Variants in CPNE8 observed in about 807,000 individuals in gnomAD.
The protein encoded by CPNE8 is copine 8, also known as copine-8.
A neutral mutation model predicts 81.5 loss-of-function variants in CPNE8; 45 were observed. The ratio of observed to expected loss-of-function variants is 0.55; its 90% CI spans 0.44 to 0.71. CPNE8 has a LOEUF of 0.71. Among genes scored for constraint, CPNE8 ranks in the 30% least tolerant of loss-of-function variants. The pLI is 0.00. For missense variants in CPNE8, 594 were observed against 672.1 expected, an observed-to-expected ratio of 0.88 and a Z score of 1.28; for synonymous variants, 252 against 226.3, an observed-to-expected ratio of 1.11 and a Z score of -1.02.
upstream of CPNE8, chr12:38,905,961 G>C (rs986527193): frequency 4.1e-6 from 4 of 985,262 alleles, no homozygotes; most frequent in African/African-American, 7.0e-5. Context: ...TTTAGGTTTT[G>C]TCTCCACCTC....
At chr12:38,852,428 CAAAAA>C (rs138401295) in intron 3 of CPNE8, among the ~76,000 whole-genome samples, 2 of 75,210 alleles carry the variant, frequency 2.7e-5, no homozygotes, top group Non-Finnish European at 4.8e-5. Flanking sequence ...AGCTCTGTCT[CAAAAA>C]AAAAAAAAAA....
intron 6 of CPNE8, among the ~76,000 whole-genome samples, chr12:38,813,598 T>C (rs1453731012): frequency 1.3e-5 from 2 of 152,194 alleles, no homozygotes; most frequent in Admixed American, 6.6e-5. Context: ...GACATGAACA[T>C]TGATGGCATA....
intron 11 of CPNE8, 78 bp from the exon 12 acceptor site, chr12:38,724,977 G>A: frequency 8.2e-7 from 1 of 1,222,538 alleles, no homozygotes; most frequent in Non-Finnish European, 1.2e-6. Context: ...AAAATGTGAA[G>A]TTTAACCTGC....
chr12:38,783,320 T>C (rs561675848), intron 6 of CPNE8, among the ~76,000 whole-genome samples: 1 of 152,294 alleles, frequency 6.6e-6, no homozygotes, highest in East Asian at 1.9e-4. Flanking sequence ...GAAAATCAGA[T>C]GAGCACTCAC....
At chr12:38,767,265 A>C (rs192055909) in intron 8 of CPNE8, among the ~76,000 whole-genome samples, 1,564 of 152,190 alleles carry the variant, frequency 0.01, 22 homozygotes, top group South Asian at 0.04. Flanking sequence ...GGCAAAAAAA[A>C]CCCACAAGCT....
chr12:38,884,378 C>A (rs1235734450), intron 1 of CPNE8, among the ~76,000 whole-genome samples: 4 of 152,178 alleles, frequency 2.6e-5, no homozygotes, highest in Admixed American at 6.5e-5. Flanking sequence ...GTCAGTACTT[C>A]ATTCCGTTTT....
intron 10 of CPNE8, among the ~76,000 whole-genome samples, chr12:38,735,164 C>T (rs1013454981): frequency 1.1e-4 from 17 of 151,994 alleles, no homozygotes; most frequent in Admixed American, 1.1e-3. Flanking sequence ...GCAGTGATTT[C>T]CCACATTTCC....
intron 1 of CPNE8, among the ~76,000 whole-genome samples, chr12:38,884,313 A>C (rs1944207839): frequency 6.6e-6 from 1 of 152,244 alleles, no homozygotes; most frequent in South Asian, 2.1e-4. Flanking sequence ...TCTTTTTGTG[A>C]CTAGCTTCTT....
intron 14 of CPNE8, among the ~76,000 whole-genome samples, chr12:38,698,886 G>C (rs1939862024): frequency 6.6e-6 from 1 of 152,086 alleles, no homozygotes; most frequent in African/African-American, 2.4e-5. Flanking sequence ...TGGATCCTTT[G>C]CAATTTCATA....
chr12:38,742,584 C>T (rs1000828612), intron 10 of CPNE8, among the ~76,000 whole-genome samples: 4 of 150,872 alleles, frequency 2.7e-5, no homozygotes, highest in South Asian at 2.1e-4. Flanking sequence ...ATGTAAATGA[C>T]GAGTTAATTT....
chr12:38,787,450 CAGTACTA>C (rs1178076304), intron 6 of CPNE8, among the ~76,000 whole-genome samples: 4 of 143,330 alleles, frequency 2.8e-5, no homozygotes. Flanking sequence ...ACAGAAAATG[CAGTACTA>C]AGAAGTTTAT....
rs549331435 is a variant in CPNE8 at position 38,839,817 on chromosome 12, T to C, written c.330+99A>G. 7 of 1,079,248 alleles carry C rather than the reference T, an allele frequency of 6.5e-6. No homozygotes were observed. The African/African-American group carries it at 1.1e-4, about 18-fold the overall frequency. The allele number at this position is 1,079,248 out of a possible 1,614,324, so 66.9% of individuals were successfully genotyped here. ...TATTTTCTATGACAATCACGTTACA[T>C]GAATAACTTAATAGATGTATAACTT... On this transcript the variant is annotated intron_variant, in intron 5 of 19. Coordinates refer to ENST00000331366, the MANE Select transcript of CPNE8 (RefSeq NM_153634.3).
At chr12:38,852,965 GTAGAA>G (rs1314214863) in intron 3 of CPNE8, among the ~76,000 whole-genome samples, 1 of 152,056 alleles carries the variant, frequency 6.6e-6, no homozygotes, top group African/African-American at 2.4e-5. Flanking sequence ...CTTGCAATGA[GTAGAA>G]TTTACTTTTA....
At chr12:38,874,418 A>G (rs376342175) in intron 2 of CPNE8, 53 bp downstream of exon 2, 183 of 1,350,178 alleles carry the variant, frequency 1.4e-4, no homozygotes, top group Non-Finnish European at 2.3e-5. Flanking sequence ...TGAGTTTCCT[A>G]CAACTTTTGC....
intron 2 of CPNE8, 146 bp downstream of exon 2, chr12:38,874,325 C>T (rs878883836): frequency 4.9e-6 from 3 of 608,092 alleles, no homozygotes; most frequent in African/African-American, 1.9e-5. Context: ...CACAGTACTG[C>T]CCGGGGTTGA....
Position 38,702,926 on chromosome 12 carries a change from A to T in CPNE8, c.915-5T>A. On this transcript the variant is annotated splice_polypyrimidine_tract_variant and splice_region_variant and intron_variant, in intron 13 of 19. Coordinates refer to ENST00000331366, the MANE Select transcript of CPNE8 (RefSeq NM_153634.3). ...ACTGTGAAATTGATTTGCGTCCTGG[A>T]ATAGAAGTAAACAAGACTCATTAAT... is the stretch of plus-strand genomic sequence containing the variant. 6.4e-7 allele frequency: 1 copy of T among 1,571,536 alleles called. No homozygotes were observed. Among genetic ancestry groups the T allele is most frequent in the Non-Finnish European group, 8.7e-7 (1 of 1,152,936 alleles).
chr12:38,888,624 T>C (rs550046780), intron 1 of CPNE8, among the ~76,000 whole-genome samples: 3 of 152,332 alleles, frequency 2.0e-5, no homozygotes, highest in East Asian at 1.9e-4. Context: ...CTTCCTAATA[T>C]GTATGTTTCA....
chr12:38,784,089 G>T (rs539673727), intron 6 of CPNE8, among the ~76,000 whole-genome samples: 1 of 152,324 alleles, frequency 6.6e-6, no homozygotes, highest in African/African-American at 2.4e-5. Flanking sequence ...AGTAAAAATA[G>T]CTGTTTTGAG....
chr12:38,815,821 C>T (rs75847811), intron 6 of CPNE8, among the ~76,000 whole-genome samples: 1,909 of 152,194 alleles, frequency 0.013, 47 homozygotes, highest in African/African-American at 0.043. Flanking sequence ...GGTAAGGAAT[C>T]ATAAGGAGTA....
Sources: allele counts gnomAD v4.1 joint callset (sites outside exome capture counted in the v4.1 genomes callset), GRCh38; gene constraint gnomAD v4.1.1; transcripts MANE v1.5; gene names NCBI Gene and HGNC (gene_info 2026-07-23, HGNC 2026-07-21).